CREB1: variants seen among roughly 807,000 people sequenced by gnomAD.
The protein encoded by CREB1 is cAMP responsive element binding protein 1.
In CREB1, 2 loss-of-function variants were observed where a neutral mutation model predicts 42.0. The observed-to-expected ratio is 0.05, with a 90% confidence interval of 0.02 to 0.15. The LOEUF is 0.15. CREB1 is among the 10% of genes least tolerant of loss of function. The pLI is 1.00. For synonymous variants in CREB1, 123 were observed against 139.9 expected (o/e 0.88, Z 0.85); for missense variants, 199 against 388.9 (o/e 0.51, Z 4.11).
chr2:207,560,816 A>G (rs1248660298), intron 3 of CREB1, among the ~76,000 whole-genome samples: 1 of 152,236 alleles, frequency 6.6e-6, no homozygotes. Flanking sequence ...TTGTAAAATC[A>G]GCTGTGCTTA....
In CREB1 at chr2:207,559,904, G is replaced by T. The variant is rs887358744; in HGVS notation, c.115-322G>T. Among the ~76,000 whole-genome samples, 3 of 152,132 alleles carry T rather than the reference G, an allele frequency of 2.0e-5. No homozygotes were observed. The South Asian group carries it at 6.2e-4, about 31-fold the overall frequency. On this transcript the variant is annotated intron_variant, in intron 2 of 7. Coordinates refer to ENST00000353267, the MANE Select transcript of CREB1 (RefSeq NM_004379.5). ...AATCAGAAATTGGAAATGAAAGCAG[G>T]TGGGAAAATGTAAAGTGCCATACAA... is the stretch of plus-strand genomic sequence containing the variant.
At chr2:207,581,791 T>C (rs1449096939) in intron 7 of CREB1, 2 of 688,474 alleles carry the variant, frequency 2.9e-6, no homozygotes, top group Non-Finnish European at 5.2e-6. Flanking sequence ...TTTTTTTACT[T>C]ACATAATCCA....
Position 207,602,798 on chromosome 2 carries a change from T to C in CREB1, c.*5740T>C, listed in dbSNP as rs1460481274. On this transcript the variant is annotated 3_prime_UTR_variant, in exon 8 of 8. Coordinates refer to ENST00000353267, the MANE Select transcript of CREB1 (RefSeq NM_004379.5). ...TGTCAACATTTTTTTTGAGTATAGA[T>C]TTATTAGGGGTGGCAAAGAAGAGTG... The C allele has an allele frequency of 9.2e-6, 2 of 216,602 alleles. No individual in the cohort carries two copies. Among genetic ancestry groups the C allele is most frequent in the African/African-American group, 2.3e-5 (1 of 44,404 alleles). The allele number at this position is 216,602 out of a possible 1,614,324, so 13.4% of individuals were successfully genotyped here. A position where few individuals can be genotyped will look rare whatever the true frequency, so the allele number is the denominator to read the frequency against.
At chr2:207,551,991 G>T (rs775329829) in intron 1 of CREB1, among the ~76,000 whole-genome samples, 2 of 135,440 alleles carry the variant, frequency 1.5e-5, no homozygotes, top group African/African-American at 2.7e-5. Flanking sequence ...GCAGTGAGCC[G>T]AGATCGAGCC....
At chr2:207,548,129 C>T (rs956489008) in intron 1 of CREB1, among the ~76,000 whole-genome samples, 3 of 152,126 alleles carry the variant, frequency 2.0e-5, no homozygotes, top group African/African-American at 7.2e-5. Context: ...GACGGGGTTT[C>T]ACAATGTTGG....
intron 4 of CREB1, among the ~76,000 whole-genome samples, chr2:207,568,839 A>AT (rs201313498): frequency 0.016 from 2,415 of 150,678 alleles, 62 homozygotes; most frequent in African/African-American, 0.055. Flanking sequence ...GTTGATCTTT[A>AT]TTTTTTTTTC....
intron 1 of CREB1, among the ~76,000 whole-genome samples, chr2:207,530,400 G>A (rs934662773): frequency 1.2e-4 from 17 of 146,238 alleles, no homozygotes; most frequent in Admixed American, 1.2e-3. Context: ...GGCGGCGGGC[G>A]GCGGGCGGCG....
chr2:207,539,044 CTT>C (rs66502070), intron 1 of CREB1, among the ~76,000 whole-genome samples: 10 of 140,456 alleles, frequency 7.1e-5, no homozygotes, highest in Admixed American at 1.4e-4. Context: ...TATTTGTACT[CTT>C]TTTTTTTTTT....
At chr2:207,588,139 C>T (rs112895347) in intron 7 of CREB1, among the ~76,000 whole-genome samples, 5 of 152,210 alleles carry the variant, frequency 3.3e-5, no homozygotes, top group East Asian at 1.9e-4. Context: ...ACACAGACTT[C>T]GTTTTCCTCT....
chr2:207,546,727 T>G (rs1025802803), intron 1 of CREB1, among the ~76,000 whole-genome samples: 1 of 118,742 alleles, frequency 8.4e-6, no homozygotes, highest in Non-Finnish European at 1.9e-5. Flanking sequence ...AGACCCTATA[T>G]CAAAAAAAAA....
chr2:207,598,832 C>T lies in CREB1; in HGVS notation c.*1774C>T, dbSNP rs1193648189. 1 of 142,216 alleles carries T rather than the reference C, an allele frequency of 7.0e-6. No homozygotes were observed. The highest frequency in any genetic ancestry group is 1.4e-5 in the Non-Finnish European group (1 of 71,464). The allele number at this position is 142,216 out of a possible 1,614,324, so 8.8% of individuals were successfully genotyped here. A position where few individuals can be genotyped will look rare whatever the true frequency, so the allele number is the denominator to read the frequency against. On this transcript the variant is annotated 3_prime_UTR_variant, in exon 8 of 8. Coordinates refer to ENST00000353267, the MANE Select transcript of CREB1 (RefSeq NM_004379.5). The stretch of plus-strand genomic sequence containing the variant: ...CATTGCACTCCAGCCTGGGCGACTC[C>T]ATCTCAAAAAATAAAAATAAAAAAA...
At chr2:207,548,567 A>T (rs1482396995) in intron 1 of CREB1, among the ~76,000 whole-genome samples, 1 of 152,012 alleles carries the variant, frequency 6.6e-6, no homozygotes, top group Admixed American at 6.6e-5. Context: ...CGTGGCCAAC[A>T]TGGTGAAACC....
intron 1 of CREB1, among the ~76,000 whole-genome samples, chr2:207,543,410 A>T (rs769968529): frequency 6.6e-6 from 1 of 152,136 alleles, no homozygotes; most frequent in Non-Finnish European, 1.5e-5. Context: ...CACAGTTACA[A>T]ACATTTACCT....
At chr2:207,546,588 G>T (rs140918183) in intron 1 of CREB1, among the ~76,000 whole-genome samples, 3,559 of 152,204 alleles carry the variant, frequency 0.023, 72 homozygotes, top group Non-Finnish European at 0.039. Context: ...TTAGCTGGCT[G>T]TGGTGGCGGG....
At position 207,598,329 on chromosome 2, in the gene CREB1, T is replaced by G. The variant is rs2086506089; in HGVS notation, c.*1271T>G. 1 of 184,546 alleles carries G rather than the reference T, an allele frequency of 5.4e-6. No homozygotes were observed. The highest frequency in any genetic ancestry group is 2.3e-5 in the African/African-American group (1 of 42,738). The allele number at this position is 184,546 out of a possible 1,614,324, so 11.4% of individuals were successfully genotyped here. ...TAAAAAGAGTAGTTATTAGTTCTGCTTTAGCTTTCCAATATGCTGTATAGC... is the reference window on the plus strand; with the variant it reads ...TAAAAAGAGTAGTTATTAGTTCTGCGTTAGCTTTCCAATATGCTGTATAGC... On this transcript the variant is annotated 3_prime_UTR_variant, in exon 8 of 8. Transcript: ENST00000353267.
At chr2:207,579,569 A>G (rs1218315568) in intron 7 of CREB1, among the ~76,000 whole-genome samples, 1 of 152,196 alleles carries the variant, frequency 6.6e-6, no homozygotes, top group East Asian at 1.9e-4. Context: ...ACACATAACT[A>G]CAGTTCCTAC....
chr2:207,600,811 C>T lies in CREB1; in HGVS notation c.*3753C>T, dbSNP rs1298964501. ...TAAATCCCTGTAGGACAAATCCCTACTATCATTTCTACCTTTTGGGGTGAC... is the reference window on the plus strand; with the variant it reads ...TAAATCCCTGTAGGACAAATCCCTATTATCATTTCTACCTTTTGGGGTGAC... On this transcript the variant is annotated 3_prime_UTR_variant, in exon 8 of 8. Coordinates refer to ENST00000353267, the MANE Select transcript of CREB1 (RefSeq NM_004379.5). 3 of 209,002 alleles carry T rather than the reference C, an allele frequency of 1.4e-5. No homozygotes were observed. The highest frequency in any genetic ancestry group is 2.3e-5 in the African/African-American group (1 of 43,960). 12.9% of individuals were successfully genotyped at this position (209,002 alleles called of 1,614,324 possible). A position where few individuals can be genotyped will look rare whatever the true frequency, so the allele number is the denominator to read the frequency against.
chr2:207,570,472 C>G (rs992334207), intron 5 of CREB1, 151 bp downstream of exon 5: 12 of 693,486 alleles, frequency 1.7e-5, no homozygotes, highest in Admixed American at 3.4e-5. Flanking sequence ...CTTCACTATG[C>G]AAAGGTCTGT....
At chr2:207,566,283 ACTT>A (rs1160275892) in intron 3 of CREB1, among the ~76,000 whole-genome samples, 4 of 152,202 alleles carry the variant, frequency 2.6e-5, no homozygotes, top group Non-Finnish European at 5.9e-5. Context: ...TTTCTCAAGT[ACTT>A]CTGAATATGT....
Sources: gnomAD v4.1 joint callset for allele counts (sites outside exome capture counted in the v4.1 genomes callset) on GRCh38, gnomAD v4.1.1 for gene constraint, MANE v1.5 for transcripts, NCBI Gene and HGNC (gene_info 2026-07-23, HGNC 2026-07-21) for gene names.